Variants in CNTN4 observed in about 807,000 individuals in gnomAD.
CNTN4 encodes the protein contactin 4.
CNTN4 carries 77 observed loss-of-function variants against 122.5 expected under a neutral mutation model. That is an observed-to-expected ratio of 0.63 (90% CI 0.52 to 0.76). CNTN4 has a LOEUF of 0.76. Ranked by LOEUF, CNTN4 falls within the 30% of genes least tolerant of loss-of-function variation. CNTN4 has a pLI of 0.00. For synonymous variants in CNTN4, 512 were observed against 447.0 expected (o/e 1.15, Z -1.83); for missense variants, 1,256 against 1,259.1 (o/e 1.00, Z 0.04).
At chr3:2,945,723 G>T (rs1244212990) in intron 13 of CNTN4, among the ~76,000 whole-genome samples, 1 of 152,208 alleles carries the variant, frequency 6.6e-6, no homozygotes, top group Non-Finnish European at 1.5e-5. Flanking sequence ...TTTTATGCAA[G>T]AGGGTCAGTG....
chr3:2,509,398 G>A (rs2076821756), intron 3 of CNTN4, among the ~76,000 whole-genome samples: 1 of 152,082 alleles, frequency 6.6e-6, no homozygotes, highest in African/African-American at 2.4e-5. Flanking sequence ...TACAGAAATT[G>A]GATTGAAAGT....
At chr3:2,920,443 G>A (rs2094417336) in intron 12 of CNTN4, among the ~76,000 whole-genome samples, 1 of 151,588 alleles carries the variant, frequency 6.6e-6, no homozygotes, top group Non-Finnish European at 1.5e-5. Context: ...CCAAGTATCA[G>A]TTTCTTTGTT....
intron 2 of CNTN4, among the ~76,000 whole-genome samples, chr3:2,202,754 A>G (rs1354549006): frequency 6.6e-6 from 1 of 152,072 alleles, no homozygotes; most frequent in African/African-American, 2.4e-5. Context: ...GACCCCCAAG[A>G]TATTGCTGTT....
At chr3:2,643,863 A>G (rs73112531) in intron 4 of CNTN4, among the ~76,000 whole-genome samples, 1,554 of 152,272 alleles carry the variant, frequency 0.01, 32 homozygotes, top group African/African-American at 0.036. Flanking sequence ...TGCCAGAGCT[A>G]TGCTTCATAG....
At chr3:2,932,492 C>G (rs1381868107) in intron 13 of CNTN4, among the ~76,000 whole-genome samples, 2 of 152,208 alleles carry the variant, frequency 1.3e-5, no homozygotes, top group South Asian at 4.1e-4. Flanking sequence ...CAGAGATACA[C>G]TCATTCTGGA....
Position 3,026,190 on chromosome 3 carries a change from C to T in CNTN4, c.1575C>T (p.His525=). The stretch of plus-strand genomic sequence containing the variant: ...TACCGTGCCAGGTAACGCATGATCA[C>T]TCGCTAGACATCGTGTTTACTTGGT... ...IVLPCQVTHD[H]SLDIVFTWSF... Residue 525 remains histidine, a synonymous_variant, in exon 15 of 25, where the codon CAC becomes CAT. Transcript: ENST00000418658. 1 of 1,613,342 alleles carries T rather than the reference C, an allele frequency of 6.2e-7. No individual in the cohort carries two copies. Among genetic ancestry groups the T allele is most frequent in the Non-Finnish European group, 8.5e-7 (1 of 1,179,430 alleles).
intron 2 of CNTN4, among the ~76,000 whole-genome samples, chr3:2,109,209 A>G (rs1054078712): frequency 1.3e-5 from 2 of 152,178 alleles, no homozygotes; most frequent in Non-Finnish European, 2.9e-5. Context: ...CAAGGTCAGT[A>G]TTGGTGCATA....
rs533453332 is a variant in CNTN4, at chr3:2,626,175, A to C, written c.55+54617A>C. ...GTCCTTTGATAGAGCAGAAGCTCTT[A>C]ATATTAACATAGTTGAGCCCATTAA... On this transcript the variant is annotated intron_variant, in intron 4 of 24. Transcript: ENST00000418658. Among the ~76,000 whole-genome samples, 5 of 152,276 alleles carry C rather than the reference A, an allele frequency of 3.3e-5. No individual in the cohort carries two copies. The East Asian group carries it at 7.7e-4, about 24-fold the overall frequency.
In CNTN4 at chr3:2,132,444, AGG is replaced by A. The variant is rs1358352473; in HGVS notation, c.-145+31806_-145+31807del. On this transcript the variant is annotated intron_variant, in intron 2 of 24. Transcript: ENST00000418658. ...TATCCAATAGCAGATATCCAGAAACAGGTTTGCTGTGAAGAAGAGAGATAATG... is the reference window on the plus strand; with the variant it reads ...TATCCAATAGCAGATATCCAGAAACATTTGCTGTGAAGAAGAGAGATAATG... 2.0e-5 allele frequency: 3 copies of A among 152,314 alleles called. No homozygotes were observed. In the East Asian group the frequency reaches 5.8e-4, roughly 29 times the overall value. The allele number at this position is 152,314 out of a possible 1,614,324, so 9.4% of individuals were successfully genotyped here.
chr3:2,935,484 AACCAGCCCTC>A (rs1211807700), intron 13 of CNTN4, among the ~76,000 whole-genome samples: 3 of 152,310 alleles, frequency 2.0e-5, no homozygotes, highest in African/African-American at 7.2e-5. Context: ...ATTTCATTGG[AACCAGCCCTC>A]ACCCAAATCT....
intron 3 of CNTN4, among the ~76,000 whole-genome samples, chr3:2,545,552 T>C (rs1413687412): frequency 1.3e-5 from 2 of 152,102 alleles, no homozygotes; most frequent in African/African-American, 4.8e-5. Flanking sequence ...CTTGTCTTGG[T>C]TGCATATATA....
intron 4 of CNTN4, among the ~76,000 whole-genome samples, chr3:2,617,850 C>T (rs527922348): frequency 2.2e-4 from 34 of 152,058 alleles, no homozygotes; most frequent in African/African-American, 8.0e-4. Flanking sequence ...ATGTCATTTT[C>T]AAAAAGTTGG....
intron 3 of CNTN4, among the ~76,000 whole-genome samples, chr3:2,559,076 G>A (rs577114798): frequency 4.6e-5 from 7 of 152,048 alleles, no homozygotes; most frequent in Non-Finnish European, 1.5e-5. Flanking sequence ...TACCTAACAG[G>A]CTATTACACT....
At chr3:2,560,951 CT>C (rs1350806675) in intron 3 of CNTN4, among the ~76,000 whole-genome samples, 1 of 152,140 alleles carries the variant, frequency 6.6e-6, no homozygotes, top group Admixed American at 6.6e-5. Context: ...CTTATTTCTG[CT>C]TCTGATTAAG....
At chr3:2,238,745 T>TTTTTTTTTTTTTTTTTTG (rs1553606665) in intron 2 of CNTN4, 3 of 109,152 alleles carry the variant, frequency 2.7e-5, no homozygotes, top group Non-Finnish European at 3.7e-5. Context: ...GTTTTTTTTT[T>TTTTTTTTTTTTTTTTTTG]GAGACGGAGT....
intron 2 of CNTN4, among the ~76,000 whole-genome samples, chr3:2,272,411 A>G (rs1153489): frequency 0.035 from 5,286 of 152,218 alleles, 105 homozygotes; most frequent in Middle Eastern, 0.041. Context: ...ATATTGAACT[A>G]TATGTTGACC....
chr3:2,379,402 T>C (rs1370308033), intron 3 of CNTN4, among the ~76,000 whole-genome samples: 1 of 152,194 alleles, frequency 6.6e-6, no homozygotes, highest in Non-Finnish European at 1.5e-5. Flanking sequence ...CTGATCCCAC[T>C]CTGGCCACTA....
chr3:2,961,231 CA>C lies in CNTN4; in HGVS notation c.1359-27095del, dbSNP rs59790353. On this transcript the variant is annotated intron_variant, in intron 13 of 24. Transcript: ENST00000418658. ...GGCGACAGAACGAGACTCCATCTCA[CA>C]AAAAAAAAAAAAAAAAAAGGCCTAC... Among the ~76,000 whole-genome samples, 113 of 37,246 alleles carry C rather than the reference CA, an allele frequency of 3.0e-3. 1 individual carries two copies. The highest frequency in any genetic ancestry group is 7.9e-3 in the South Asian group (5 of 630). The allele number at this position is 37,246 out of a possible 152,430, so 24.4% of individuals were successfully genotyped here. A position where few individuals can be genotyped will look rare whatever the true frequency, so the allele number is the denominator to read the frequency against.
intron 3 of CNTN4, among the ~76,000 whole-genome samples, chr3:2,378,179 A>T (rs1039291167): frequency 6.6e-6 from 1 of 152,202 alleles, no homozygotes; most frequent in Admixed American, 6.5e-5. Flanking sequence ...AACAAAATAG[A>T]ATTTATTTCT....
Sources: gnomAD v4.1 joint callset for allele counts (sites outside exome capture counted in the v4.1 genomes callset) on GRCh38, gnomAD v4.1.1 for gene constraint, MANE v1.5 for transcripts, NCBI Gene and HGNC (gene_info 2026-07-23, HGNC 2026-07-21) for gene names.